Variants in SLCO1A2 observed in about 807,000 individuals in gnomAD.
SLCO1A2 encodes solute carrier organic anion transporter family member 1A2, also known as OATP-1.
SLCO1A2 carries 67 observed loss-of-function variants against 69.0 expected under a neutral mutation model. The ratio of observed to expected loss-of-function variants is 0.97; its 90% CI spans 0.80 to 1.19. The LOEUF is 1.19. Among genes scored for constraint, SLCO1A2 ranks in the 50% most tolerant of loss-of-function variants. SLCO1A2 has a pLI of 0.00. For missense variants in SLCO1A2, 787 were observed against 793.7 expected, an observed-to-expected ratio of 0.99 and a Z score of 0.10; for synonymous variants, 260 against 265.9, an observed-to-expected ratio of 0.98 and a Z score of 0.22.
upstream of SLCO1A2, among the ~76,000 whole-genome samples, chr12:21,395,962 G>A (rs1303482505): frequency 1.3e-5 from 2 of 150,860 alleles, no homozygotes; most frequent in East Asian, 2.0e-4. Context: ...AAAAAGCAGA[G>A]CGCCTCTCCT....
At chr12:21,321,653 C>A (rs1951645404) in intron 2 of SLCO1A2, among the ~76,000 whole-genome samples, 1 of 152,158 alleles carries the variant, frequency 6.6e-6, no homozygotes. Flanking sequence ...ATTAACCCTG[C>A]CATTTTATAG....
At chr12:21,358,714 G>GA (rs1337226981) in intron 2 of SLCO1A2, among the ~76,000 whole-genome samples, 2 of 151,098 alleles carry the variant, frequency 1.3e-5, no homozygotes, top group African/African-American at 4.9e-5. Flanking sequence ...GAACAATATT[G>GA]AAAAAATTAA....
chr12:21,353,513 G>A (rs1213614238), intron 2 of SLCO1A2, among the ~76,000 whole-genome samples: 1 of 151,966 alleles, frequency 6.6e-6, no homozygotes, highest in Non-Finnish European at 1.5e-5. Flanking sequence ...GAAACAAAAA[G>A]GCAAAGCTCA....
At chr12:21,418,800 C>T (rs1416925103), upstream of SLCO1A2, among the ~76,000 whole-genome samples, 2 of 152,062 alleles carry the variant, frequency 1.3e-5, no homozygotes, top group African/African-American at 4.8e-5. Context: ...GGGGTTTCTA[C>T]TATTAGTAGT....
upstream of SLCO1A2, among the ~76,000 whole-genome samples, chr12:21,335,934 G>T (rs1234551818): frequency 6.6e-6 from 1 of 152,116 alleles, no homozygotes; most frequent in Non-Finnish European, 1.5e-5. Flanking sequence ...TGTTTCTGTG[G>T]AAGATACTTG....
chr12:21,338,028 TA>T, upstream of SLCO1A2, among the ~76,000 whole-genome samples: 1 of 152,130 alleles, frequency 6.6e-6, no homozygotes, highest in South Asian at 2.1e-4. Context: ...GATAATGTAC[TA>T]ACTCTAGATA....
intron 2 of SLCO1A2, among the ~76,000 whole-genome samples, chr12:21,369,838 A>G (rs1265174337): frequency 6.6e-6 from 1 of 152,190 alleles, no homozygotes; most frequent in Non-Finnish European, 1.5e-5. Flanking sequence ...CTTGTCCTTT[A>G]GAAAGGAGAT....
At chr12:21,381,752 T>C (rs1940599145) in intron 1 of SLCO1A2, among the ~76,000 whole-genome samples, 1 of 152,042 alleles carries the variant, frequency 6.6e-6, no homozygotes. Flanking sequence ...GCCAAGATCA[T>C]GCCACTGCAC....
At position 21,372,950 on chromosome 12, in the gene SLCO1A2, GCTTT is replaced by G. The variant is rs1939907905; in HGVS notation, c.-63+1445_-63+1448del. The G allele has an allele frequency of 2.1e-5, 5 of 237,080 alleles. No individual in the cohort carries two copies. In the South Asian group the frequency reaches 2.2e-4, roughly 10 times the overall value. 14.7% of individuals were successfully genotyped at this position (237,080 alleles called of 1,614,324 possible). Reference sequence around the variant, plus strand: ...TACAAGCTTGGACTCTTTTCTTGAAGCTTTCTTTCTATCAGAAGCATTTGCTGAT... The same window carrying G: ...TACAAGCTTGGACTCTTTTCTTGAAGCTTTCTATCAGAAGCATTTGCTGAT... On this transcript the variant is annotated intron_variant, in intron 2 of 15. Transcript: ENST00000307378.
chr12:21,331,149 A>T (rs567891441), intron 2 of SLCO1A2, among the ~76,000 whole-genome samples: 1 of 152,214 alleles, frequency 6.6e-6, no homozygotes, highest in Admixed American at 6.5e-5. Flanking sequence ...AACACTTTAG[A>T]CCTTAAGAAG....
At chr12:21,418,720 C>T (rs368902427), upstream of SLCO1A2, among the ~76,000 whole-genome samples, 2 of 152,026 alleles carry the variant, frequency 1.3e-5, no homozygotes, top group Non-Finnish European at 2.9e-5. Context: ...GGAGCTACAA[C>T]TCAAGATGAG....
In SLCO1A2 at chr12:21,310,970, G is replaced by A. The variant is rs367753383; in HGVS notation, c.335+3579C>T. Among the ~76,000 whole-genome samples the A allele has an allele frequency of 9.2e-5, 14 of 152,260 alleles. 1 individual carries two copies. Among genetic ancestry groups the A allele is most frequent in the African/African-American group, 3.4e-4 (14 of 41,542 alleles). ...TCTTCCAAAATTGGAGTCAATCCTT[G>A]CAAGCCCTACTGCTGCCTTATCACC... On this transcript the variant is annotated intron_variant, in intron 4 of 14. Coordinates refer to ENST00000683939, the MANE Select transcript of SLCO1A2 (RefSeq NM_001386879.1).
At chr12:21,407,381 T>G (rs1012982516) in intron 1 of SLCO1A2, among the ~76,000 whole-genome samples, 4 of 152,138 alleles carry the variant, frequency 2.6e-5, no homozygotes, top group African/African-American at 9.7e-5. Context: ...GTTGGAGCGT[T>G]GAGCAGAGGC....
intron 2 of SLCO1A2, among the ~76,000 whole-genome samples, chr12:21,352,573 G>C (rs1417512401): frequency 6.6e-6 from 1 of 152,068 alleles, no homozygotes; most frequent in African/African-American, 2.4e-5. Flanking sequence ...GCCTACATAT[G>C]AACACACTCT....
intron 2 of SLCO1A2, among the ~76,000 whole-genome samples, chr12:21,332,208 A>G (rs2136947539): frequency 6.6e-6 from 1 of 152,294 alleles, no homozygotes; most frequent in South Asian, 2.1e-4. Context: ...GCATCAATCA[A>G]TACATGTAAG....
At chr12:21,336,457 G>GA (rs1952893821), upstream of SLCO1A2, among the ~76,000 whole-genome samples, 1 of 151,428 alleles carries the variant, frequency 6.6e-6, no homozygotes, top group South Asian at 2.1e-4. Context: ...TTAACATATT[G>GA]AAAAAAGGGG....
chr12:21,385,211 C>T (rs1940816853), intron 1 of SLCO1A2, among the ~76,000 whole-genome samples: 1 of 152,164 alleles, frequency 6.6e-6, no homozygotes, highest in South Asian at 2.1e-4. Flanking sequence ...GTCCCACATA[C>T]AGCTATAACT....
intron 4 of SLCO1A2, among the ~76,000 whole-genome samples, chr12:21,312,249 G>A (rs750666913): frequency 6.6e-6 from 1 of 152,270 alleles, no homozygotes; most frequent in South Asian, 2.1e-4. Flanking sequence ...TATAAAGACA[G>A]CTTCTTTCCT....
chr12:21,358,853 C>T (rs1005658638), intron 2 of SLCO1A2, among the ~76,000 whole-genome samples: 1 of 152,008 alleles, frequency 6.6e-6, no homozygotes, highest in African/African-American at 2.4e-5. Flanking sequence ...AAGGAATAAA[C>T]ATGTAATCTA....
Sources: gnomAD v4.1 joint callset for allele counts (sites outside exome capture counted in the v4.1 genomes callset) on GRCh38, gnomAD v4.1.1 for gene constraint, MANE v1.5 for transcripts, NCBI Gene and HGNC (gene_info 2026-07-23, HGNC 2026-07-21) for gene names.